Variants in HSPD1 observed in about 807,000 individuals in gnomAD.
HSPD1 encodes 60 kDa heat shock protein, mitochondrial.
In HSPD1, 3 loss-of-function variants were observed where a neutral mutation model predicts 53.0. That is an observed-to-expected ratio of 0.06 (90% CI 0.03 to 0.15). HSPD1 has a LOEUF of 0.15. Ranked by LOEUF, HSPD1 falls within the 10% of genes least tolerant of loss-of-function variation. HSPD1 has a pLI of 1.00. For synonymous variants in HSPD1, 200 were observed against 228.0 expected, an observed-to-expected ratio of 0.88 and a Z score of 1.10; for missense variants, 431 against 694.1, an observed-to-expected ratio of 0.62 and a Z score of 4.26.
At chr2:197,490,961 A>T (rs2086084052) in intron 7 of HSPD1, among the ~76,000 whole-genome samples, 1 of 152,202 alleles carries the variant, frequency 6.6e-6, no homozygotes, top group African/African-American at 2.4e-5. Flanking sequence ...CAGGTAAATG[A>T]ATACTTGGAA....
intron 7 of HSPD1, among the ~76,000 whole-genome samples, chr2:197,491,294 T>C (rs2086088789): frequency 6.6e-6 from 1 of 151,598 alleles, no homozygotes; most frequent in Non-Finnish European, 1.5e-5. Context: ...TTTACGCCAT[T>C]CTCCTGCCTC....
chr2:197,493,356 A>C lies in HSPD1; in HGVS notation c.837T>G (p.Asp279Glu). Reference protein sequence around the residue: ...KPLVIIAEDVDGEALSTLVLN... With the variant: ...KPLVIIAEDVEGEALSTLVLN... ...AGACGAGTGTACTTAGAGCTTCTCC[A>C]TCAACATCTTCAGCGATTATGACCA... The change falls in exon 7 of 12, where the codon GAT becomes GAG. Residue 279 changes from aspartate to glutamate, a missense_variant. Asp to Glu is a conservative substitution (Grantham distance 45, BLOSUM62 2). Around this residue, in one of 2 missense-constraint regions of HSPD1, gnomAD observed 386 missense variants for 657.6 expected, o/e 0.59. Coordinates refer to ENST00000388968, the MANE Select transcript of HSPD1 (RefSeq NM_002156.5). 1 of 1,613,942 alleles carries C rather than the reference A, an allele frequency of 6.2e-7. No individual in the cohort carries two copies. Among genetic ancestry groups the C allele is most frequent in the Non-Finnish European group, 8.5e-7 (1 of 1,179,846 alleles).
At chr2:197,496,889 T>C in intron 3 of HSPD1, 1 of 492,736 alleles carries the variant, frequency 2.0e-6, no homozygotes, top group Non-Finnish European at 3.7e-6. Context: ...CAGCCTGGGC[T>C]ACAGAGCAAG....
chr2:197,492,305 C>T (rs1353960912), intron 7 of HSPD1, among the ~76,000 whole-genome samples: 2 of 152,096 alleles, frequency 1.3e-5, no homozygotes, highest in Non-Finnish European at 2.9e-5. Context: ...ATTCTCCTGC[C>T]TCAGCCTCTG....
intron 7 of HSPD1, among the ~76,000 whole-genome samples, chr2:197,492,705 A>G (rs1220786672): frequency 1.3e-5 from 2 of 151,876 alleles, no homozygotes. Flanking sequence ...TCCAAAAATA[A>G]AAATAAAAAA....
At chr2:197,499,179 T>C (rs1476187668) in intron 1 of HSPD1, 2 of 413,402 alleles carry the variant, frequency 4.8e-6, no homozygotes, top group East Asian at 1.1e-4. Context: ...ACTCCAACTG[T>C]GGCCCCTGAG....
chr2:197,495,409 ATT>A (rs1171994976), intron 3 of HSPD1, 33 bp from the exon 4 acceptor site: 2 of 1,267,636 alleles, frequency 1.6e-6, no homozygotes, highest in Admixed American at 1.7e-5. Context: ...TACAATGTTT[ATT>A]TCTCTCATGG....
At position 197,491,293 on chromosome 2, in the gene HSPD1, T is replaced by C. The variant is rs567940044; in HGVS notation, c.870-997A>G. On this transcript the variant is annotated intron_variant, in intron 7 of 11. Coordinates refer to ENST00000388968, the MANE Select transcript of HSPD1 (RefSeq NM_002156.5). ...ACCTCCGCCTCCTGGGTTTACGCCA[T>C]TCTCCTGCCTCAGCCCGCCACCACG... Among the ~76,000 whole-genome samples the C allele has an allele frequency of 3.3e-5, 5 of 151,040 alleles. No homozygotes were observed. The South Asian group carries it at 1.1e-3, about 32-fold the overall frequency.
rs1473549642 is a variant in HSPD1 at position 197,486,879 on chromosome 2, C to T, written c.*167G>A. ...GGCATGGACAATGACAGCAGTAAAC[C>T]ATTATATATTTTGTCAACTGAAACC... is the stretch of plus-strand genomic sequence containing the variant. On this transcript the variant is annotated 3_prime_UTR_variant, in exon 12 of 12. Coordinates refer to ENST00000388968, the MANE Select transcript of HSPD1 (RefSeq NM_002156.5). 3.3e-6 allele frequency: 2 copies of T among 612,292 alleles called. No homozygotes were observed. Among genetic ancestry groups the T allele is most frequent in the Non-Finnish European group, 5.8e-6 (2 of 344,102 alleles). The allele number at this position is 612,292 out of a possible 1,614,324, so 37.9% of individuals were successfully genotyped here. A position where few individuals can be genotyped will look rare whatever the true frequency, so the allele number is the denominator to read the frequency against.
Position 197,487,062 on chromosome 2 carries a change from C to T in HSPD1, c.1706G>A (p.Gly569Glu). ...GAMGGMGGGMGGGMF is the reference protein window; with the variant it reads ...GAMGGMGGGMEGGMF ...GTCTAGGAGTTAGAACATGCCACCT[C>T]CCATACCACCTCCCATTCCACCCAT... is the stretch of plus-strand genomic sequence containing the variant. Residue 569 changes from glycine to glutamate, a missense_variant, in exon 12 of 12, where the codon GGA (glycine) becomes GAA (glutamate). Gly to Glu is a moderately conservative substitution (Grantham distance 98). Transcript: ENST00000388968. The T allele has an allele frequency of 1.3e-6, 2 of 1,496,060 alleles. No homozygotes were observed. 92.7% of individuals were successfully genotyped at this position (1,496,060 alleles called of 1,614,324 possible). A position where few individuals can be genotyped will look rare whatever the true frequency, so the allele number is the denominator to read the frequency against.
At position 197,490,233 on chromosome 2, in the gene HSPD1, G is replaced by A; in HGVS notation, c.933C>T (p.Asn311=). The change falls in exon 8 of 12, where the codon AAC becomes AAT. Residue 311 remains asparagine (N), a synonymous_variant. Transcript: ENST00000388968. ...TAGCAATAGCCATATCTTTAAGCTGGTTCTTTCTATTGTCACCAAACCCTG... is the reference window on the plus strand; with the variant it reads ...TAGCAATAGCCATATCTTTAAGCTGATTCTTTCTATTGTCACCAAACCCTG... The part of the protein sequence containing the change: ...KAPGFGDNRK[N]QLKDMAIATG... 2.5e-6 allele frequency: 4 copies of A among 1,613,854 alleles called. No individual in the cohort carries two copies. The highest frequency in any genetic ancestry group is 3.4e-6 in the Non-Finnish European group (4 of 1,179,830).
intron 7 of HSPD1, among the ~76,000 whole-genome samples, chr2:197,491,772 C>T (rs946668222): frequency 4.6e-5 from 7 of 152,162 alleles, no homozygotes. Context: ...AGTGACTAGA[C>T]CTCACCTTAT....
At chr2:197,490,724 G>A (rs1251674581) in intron 7 of HSPD1, among the ~76,000 whole-genome samples, 5 of 152,150 alleles carry the variant, frequency 3.3e-5, no homozygotes, top group East Asian at 1.9e-4. Context: ...CCACTACTCA[G>A]GAGGCCGAGC....
At chr2:197,496,108 T>A (rs1204333535) in intron 3 of HSPD1, among the ~76,000 whole-genome samples, 1 of 152,250 alleles carries the variant, frequency 6.6e-6, no homozygotes, top group Non-Finnish European at 1.5e-5. Flanking sequence ...GTTGTGACTA[T>A]GCCTCTGCAG....
chr2:197,496,861 A>G (rs1574602902), intron 3 of HSPD1: 1 of 438,022 alleles, frequency 2.3e-6, no homozygotes, highest in Non-Finnish European at 4.2e-6. Flanking sequence ...GCTTGAGCCC[A>G]GGAGTTCCAG....
At chr2:197,494,075 C>T in intron 6 of HSPD1, 82 bp downstream of exon 6, 1 of 737,918 alleles carries the variant, frequency 1.4e-6, no homozygotes, top group Middle Eastern at 3.8e-4. Context: ...CATGCCACTG[C>T]ACTCCAGCCG....
upstream of HSPD1, chr2:197,500,197 T>C: frequency 3.4e-6 from 2 of 595,958 alleles, no homozygotes; most frequent in Non-Finnish European, 6.0e-6. Flanking sequence ...AAACAGCTCC[T>C]TTTTTCTTCC....
rs757331948 is a variant in HSPD1, at chr2:197,487,066, T to C, written c.1702A>G (p.Met568Val). 7 of 1,508,944 alleles carry C rather than the reference T, an allele frequency of 4.6e-6. No individual in the cohort carries two copies. The highest frequency in any genetic ancestry group is 3.3e-5 in the Admixed American group (2 of 59,778). 93.5% of individuals were successfully genotyped at this position (1,508,944 alleles called of 1,614,324 possible). The change falls in exon 12 of 12, where the codon ATG becomes GTG. Residue 568 changes from methionine (M) to valine (V), a missense_variant. Physicochemically the swap from Met to Val is conservative, Grantham distance 21. Transcript: ENST00000388968. ...MGAMGGMGGG[M>V]GGGMF is the part of the protein sequence containing the mutation. Reference sequence around the variant, plus strand: ...AGGAGTTAGAACATGCCACCTCCCATACCACCTCCCATTCCACCCATTGCA... The same window carrying C: ...AGGAGTTAGAACATGCCACCTCCCACACCACCTCCCATTCCACCCATTGCA...
chr2:197,490,356 C>A (rs567170744), intron 7 of HSPD1, 60 bp from the exon 8 acceptor site: 1 of 1,278,812 alleles, frequency 7.8e-7, no homozygotes, highest in East Asian at 2.3e-5. Flanking sequence ...CTGTTTAATT[C>A]CCCTCAAGCT....
Sources: gnomAD v4.1 joint callset for allele counts (sites outside exome capture counted in the v4.1 genomes callset) on GRCh38, gnomAD v4.1.1 for gene constraint, gnomAD v4.1.1 regional missense constraint, MANE v1.5 for transcripts, NCBI Gene and HGNC (gene_info 2026-07-23, HGNC 2026-07-21) for gene names.